PSAP: variants seen among roughly 807,000 people sequenced by gnomAD.
PSAP encodes precursor of saposins.
In PSAP, 25 loss-of-function variants were observed where a neutral mutation model predicts 66.0. The ratio of observed to expected loss-of-function variants is 0.38; its 90% CI spans 0.28 to 0.53. PSAP has a LOEUF of 0.53. Among genes scored for constraint, PSAP ranks in the 20% least tolerant of loss-of-function variants. The probability of loss-of-function intolerance (pLI) is 0.83; values close to 1 mark genes in which losing one functional copy is unlikely to be tolerated. For synonymous variants in PSAP, 273 were observed against 258.9 expected, an observed-to-expected ratio of 1.05 and a Z score of -0.52; for missense variants, 649 against 668.8, an observed-to-expected ratio of 0.97 and a Z score of 0.33.
chr10:71,817,305 G>A lies in PSAP; in HGVS notation c.*136C>T, dbSNP rs1842186878. 1.0e-6 allele frequency: 1 copy of A among 963,084 alleles called. No homozygotes were observed. The highest frequency in any genetic ancestry group is 1.7e-6 in the Non-Finnish European group (1 of 593,826). 59.7% of individuals were successfully genotyped at this position (963,084 alleles called of 1,614,324 possible). A position where few individuals can be genotyped will look rare whatever the true frequency, so the allele number is the denominator to read the frequency against. ...TTGCAGACAGCAATGCTACAATAAA[G>A]GACACAGAAATGGGGGAGGTGGGGG... is the stretch of plus-strand genomic sequence containing the variant. On this transcript the variant is annotated 3_prime_UTR_variant, in exon 14 of 14. Transcript: ENST00000394936.
chr10:71,833,945 A>G (rs1054748410), intron 2 of PSAP, among the ~76,000 whole-genome samples: 1 of 152,230 alleles, frequency 6.6e-6, no homozygotes, highest in African/African-American at 2.4e-5. Context: ...GTACCTGAAA[A>G]GCTCAGCATT....
chr10:71,827,754 A>G (rs553474710), intron 6 of PSAP, among the ~76,000 whole-genome samples: 244 of 152,202 alleles, frequency 1.6e-3, no homozygotes, highest in African/African-American at 5.4e-3. Flanking sequence ...ATGGGGGCAA[A>G]AAGTATTTCT....
chr10:71,849,117 A>C (rs536045144), intron 1 of PSAP, among the ~76,000 whole-genome samples: 1 of 152,340 alleles, frequency 6.6e-6, no homozygotes, highest in East Asian at 1.9e-4. Context: ...AAGAAAGAAA[A>C]AAAATTGCCC....
At chr10:71,848,274 T>G (rs1842857686) in intron 1 of PSAP, among the ~76,000 whole-genome samples, 1 of 152,238 alleles carries the variant, frequency 6.6e-6, no homozygotes, top group African/African-American at 2.4e-5. Context: ...TTGTGGTAAT[T>G]CATCAAGTTG....
intron 1 of PSAP, among the ~76,000 whole-genome samples, chr10:71,850,278 GCTAC>G (rs1222820940): frequency 2.0e-5 from 3 of 152,240 alleles, no homozygotes; most frequent in Admixed American, 6.5e-5. Flanking sequence ...CTCTTAGTCG[GCTAC>G]CTGAGAGCTT....
At chr10:71,834,855 T>A (rs148355623) in intron 1 of PSAP, among the ~76,000 whole-genome samples, 13 of 152,256 alleles carry the variant, frequency 8.5e-5, no homozygotes, top group Non-Finnish European at 1.3e-4. Context: ...AAAGAAACCA[T>A]AGGAGAAAAG....
intron 1 of PSAP, among the ~76,000 whole-genome samples, chr10:71,840,679 A>AAAGTGTTAAG (rs1188843259): frequency 3.3e-5 from 5 of 152,024 alleles, no homozygotes; most frequent in Non-Finnish European, 7.4e-5. Context: ...ACATCCCATC[A>AAAGTGTTAAG]CCTCTGGCCT....
chr10:71,824,331 G>A (rs147659524), intron 7 of PSAP, among the ~76,000 whole-genome samples: 1 of 152,204 alleles, frequency 6.6e-6, no homozygotes, highest in African/African-American at 2.4e-5. Context: ...CCCAAGTAAG[G>A]GGGGTAAGGG....
chr10:71,839,261 C>A (rs916136944), intron 1 of PSAP, among the ~76,000 whole-genome samples: 4 of 151,926 alleles, frequency 2.6e-5, no homozygotes, highest in African/African-American at 9.7e-5. Context: ...TCTTTTGAGA[C>A]AGAGTCTTGC....
At chr10:71,830,354 TC>T (rs1842487955) in intron 4 of PSAP, among the ~76,000 whole-genome samples, 1 of 152,228 alleles carries the variant, frequency 6.6e-6, no homozygotes, top group Non-Finnish European at 1.5e-5. Context: ...ATTTCCACTG[TC>T]CACATCACAT....
At chr10:71,841,488 G>A (rs11598989) in intron 1 of PSAP, among the ~76,000 whole-genome samples, 68,109 of 152,074 alleles carry the variant, frequency 0.45, 16,461 homozygotes, top group Middle Eastern at 0.56. Context: ...CATGGGTCAC[G>A]GGAGGATATC....
At chr10:71,842,040 G>A (rs548133012) in intron 1 of PSAP, among the ~76,000 whole-genome samples, 2 of 152,156 alleles carry the variant, frequency 1.3e-5, no homozygotes, top group South Asian at 4.1e-4. Context: ...CTCCGCATGG[G>A]TTAGCTATTA....
intron 4 of PSAP, among the ~76,000 whole-genome samples, chr10:71,829,504 C>A (rs1842469184): frequency 6.6e-6 from 1 of 152,186 alleles, no homozygotes; most frequent in African/African-American, 2.4e-5. Flanking sequence ...TTGCCTGCTG[C>A]CATGTAAGAT....
At position 71,819,911 on chromosome 10, in the gene PSAP, C is replaced by T. The variant is rs375537927; in HGVS notation, c.1006-11G>A. Reference sequence around the variant, plus strand: ...GTCGAGTATTTCTTTCTGAAACACACGAGAGGATCGTGTGAGAAGACGGGA... The same window carrying T: ...GTCGAGTATTTCTTTCTGAAACACATGAGAGGATCGTGTGAGAAGACGGGA... On this transcript the variant is annotated splice_polypyrimidine_tract_variant and intron_variant, in intron 9 of 13. Coordinates refer to ENST00000394936, the MANE Select transcript of PSAP (RefSeq NM_002778.4). 78 of 1,612,188 alleles carry T rather than the reference C, an allele frequency of 4.8e-5. No homozygotes were observed. The highest frequency in any genetic ancestry group is 5.7e-5 in the Non-Finnish European group (67 of 1,178,718).
At chr10:71,847,850 A>G (rs1167755022) in intron 1 of PSAP, among the ~76,000 whole-genome samples, 1 of 152,232 alleles carries the variant, frequency 6.6e-6, no homozygotes, top group East Asian at 1.9e-4. Context: ...GATATTCAGC[A>G]GGCCAGGCTA....
chr10:71,821,173 G>C (rs988879722), intron 8 of PSAP, among the ~76,000 whole-genome samples: 4 of 152,228 alleles, frequency 2.6e-5, no homozygotes, highest in African/African-American at 9.6e-5. Context: ...CACATGCAGA[G>C]AGGAGACAGC....
At chr10:71,851,155 C>T (rs1019104775) in intron 1 of PSAP, 27 bp downstream of exon 1, 9 of 1,550,546 alleles carry the variant, frequency 5.8e-6, no homozygotes, top group East Asian at 2.4e-5. Context: ...GGCACCTCCT[C>T]CCCAGGATGA....
chr10:71,830,095 C>T (rs942456627), intron 4 of PSAP, among the ~76,000 whole-genome samples: 3 of 152,192 alleles, frequency 2.0e-5, no homozygotes, highest in East Asian at 1.9e-4. Flanking sequence ...TGAGCTAACA[C>T]GATGGCTTTC....
At chr10:71,820,473 C>T (rs957113662) in intron 8 of PSAP, 138 bp from the exon 9 acceptor site, 18 of 736,340 alleles carry the variant, frequency 2.4e-5, no homozygotes, top group South Asian at 2.2e-4. Flanking sequence ...TTCCAAATGG[C>T]GTGTGGCTTC....
Sources: gnomAD v4.1 joint callset for allele counts (sites outside exome capture counted in the v4.1 genomes callset) on GRCh38, gnomAD v4.1.1 for gene constraint, MANE v1.5 for transcripts, NCBI Gene and HGNC (gene_info 2026-07-23, HGNC 2026-07-21) for gene names.